The following DUOX2 variants were observed in gnomAD, a reference collection of about 807,000 sequenced individuals.
DUOX2 encodes the protein NADH/NADPH thyroid oxidase p138-tox.
DUOX2 carries 185 observed loss-of-function variants against 183.3 expected under a neutral mutation model. That is an observed-to-expected ratio of 1.01 (90% CI 0.90 to 1.14). The LOEUF (loss-of-function observed/expected upper bound fraction) is 1.14. Ranked by LOEUF, DUOX2 falls within the 50% of genes most tolerant of loss-of-function variation. DUOX2 has a pLI of 0.00. For missense variants in DUOX2, 1,999 were observed against 2,022.9 expected, an observed-to-expected ratio of 0.99 and a Z score of 0.23; for synonymous variants, 788 against 812.4, an observed-to-expected ratio of 0.97 and a Z score of 0.51.
chr15:45,113,264 C>A lies in DUOX2; in HGVS notation c.70+78G>T, dbSNP rs1476819218. 1.9e-5 allele frequency: 28 copies of A among 1,510,966 alleles called. No homozygotes were observed. In the Admixed American group the frequency reaches 5.5e-4, roughly 30 times the overall value. 93.6% of individuals were successfully genotyped at this position (1,510,966 alleles called of 1,614,324 possible). A position where few individuals can be genotyped will look rare whatever the true frequency, so the allele number is the denominator to read the frequency against. ...AAATGACCTTCCAGTCTCAGGGAGC[C>A]GCTTGCCGCACCTCTCCCCGCCCCA... On this transcript the variant is annotated intron_variant, in intron 2 of 33. Coordinates refer to ENST00000389039, the MANE Select transcript of DUOX2 (RefSeq NM_001363711.2).
In DUOX2 at chr15:45,111,503, G is replaced by A. The variant is rs751456977; in HGVS notation, c.596C>T (p.Ser199Leu). The change falls in exon 6 of 34, where the codon TCG becomes TTG. Residue 199 changes from serine to leucine, a missense_variant. By Grantham distance (145) the Ser-to-Leu change is moderately radical (BLOSUM62 -2). Transcript: ENST00000389039. Reference sequence around the variant, plus strand: ...GGGCCCCGACGCCAGCTGTCCCCCCGAGAAGCTCCGCAGCGCGTCGCTCCA... The same window carrying A: ...GGGCCCCGACGCCAGCTGTCCCCCCAAGAAGCTCCGCAGCGCGTCGCTCCA... ...HSWSDALRSF[S>L]GGQLASGPDP... 1.7e-5 allele frequency: 27 copies of A among 1,551,940 alleles called. No homozygotes were observed. The highest frequency in any genetic ancestry group is 1.9e-5 in the Admixed American group (1 of 51,646).
rs73406335 is a variant in DUOX2, at chr15:45,106,033, T to G, written c.2148+92A>C. On this transcript the variant is annotated intron_variant, in intron 17 of 33. Coordinates refer to ENST00000389039, the MANE Select transcript of DUOX2 (RefSeq NM_001363711.2). The stretch of plus-strand genomic sequence containing the variant: ...CTCTCCCCAGCATCAGCTGTCATAG[T>G]TGAGCTCTGTAGCTGAGGATAGGGT... 0.084 allele frequency: 124,730 copies of G among 1,489,982 alleles called. 7,176 individuals are homozygous for G. Among genetic ancestry groups the G allele is most frequent in the African/African-American group, 0.29 (20,757 of 72,180 alleles). The allele number at this position is 1,489,982 out of a possible 1,614,324, so 92.3% of individuals were successfully genotyped here. A position where few individuals can be genotyped will look rare whatever the true frequency, so the allele number is the denominator to read the frequency against.
intron 29 of DUOX2, among the ~76,000 whole-genome samples, chr15:45,096,708 A>G (rs1464812399): frequency 6.6e-6 from 1 of 152,210 alleles, no homozygotes; most frequent in East Asian, 1.9e-4. Flanking sequence ...AGTAATCTCA[A>G]TTGAAATAAC....
In DUOX2 at chr15:45,097,267, C is replaced by A. The variant is rs766298646; in HGVS notation, c.3818G>T (p.Ser1273Ile). The A allele has an allele frequency of 9.3e-6, 15 of 1,614,122 alleles. No homozygotes were observed. Among genetic ancestry groups the A allele is most frequent in the Non-Finnish European group, 1.0e-5 (12 of 1,180,058 alleles). ...GGGCAGCAGCTCCGCCTTCACCACG[C>A]TGATCTCCACCTTCTTCCGGCTCAG... ...VSLSRKKVEI[S>I]VVKAELLPSG... is the part of the protein sequence containing the mutation. The change falls in exon 29 of 34, where the codon AGC (serine) becomes ATC (isoleucine). Residue 1273 changes from serine (S) to isoleucine (I), a missense_variant. Physicochemically the swap from Ser to Ile is moderately radical, Grantham distance 142. Coordinates refer to ENST00000389039, the MANE Select transcript of DUOX2 (RefSeq NM_001363711.2).
chr15:45,111,656 G>A, intron 5 of DUOX2, 71 bp from the exon 6 acceptor site: 3 of 1,447,244 alleles, frequency 2.1e-6, no homozygotes, highest in Non-Finnish European at 2.7e-6. Context: ...GGGCCCGGCG[G>A]GTGTCCGCGG....
intron 31 of DUOX2, 98 bp from the exon 32 acceptor site, chr15:45,095,189 G>A (rs1893869221): frequency 4.0e-6 from 6 of 1,500,974 alleles, no homozygotes; most frequent in South Asian, 2.6e-5. Context: ...CAGACCACCT[G>A]CAGACACCAA....
At position 45,111,286 on chromosome 15, in the gene DUOX2, G is replaced by A. The variant is rs1183298631; in HGVS notation, c.716-9C>T. 2 of 1,370,580 alleles carry A rather than the reference G, an allele frequency of 1.5e-6. No individual in the cohort carries two copies. Among genetic ancestry groups the A allele is most frequent in the Admixed American group, 2.6e-5 (1 of 38,476 alleles). The allele number at this position is 1,370,580 out of a possible 1,614,324, so 84.9% of individuals were successfully genotyped here. A position where few individuals can be genotyped will look rare whatever the true frequency, so the allele number is the denominator to read the frequency against. ...TCTCTCTGCCCCGAAGGCTGCATCC[G>A]ACGTGGGGGCGCAGGGGAGGAGACG... On this transcript the variant is annotated splice_polypyrimidine_tract_variant and intron_variant, in intron 6 of 33. Transcript: ENST00000389039.
intron 2 of DUOX2, 49 bp from the exon 3 acceptor site, chr15:45,113,125 C>G: frequency 1.9e-6 from 3 of 1,584,266 alleles, no homozygotes; most frequent in East Asian, 2.3e-5. Flanking sequence ...CCAGCTACCC[C>G]TCCCGAGCAA....
At position 45,096,079 on chromosome 15, in the gene DUOX2, G is replaced by A; in HGVS notation, c.3848-19C>T. 3 of 1,603,954 alleles carry A rather than the reference G, an allele frequency of 1.9e-6. No individual in the cohort carries two copies. The highest frequency in any genetic ancestry group is 2.2e-5 in the East Asian group (1 of 44,820). On this transcript the variant is annotated intron_variant, in intron 29 of 33. Coordinates refer to ENST00000389039, the MANE Select transcript of DUOX2 (RefSeq NM_001363711.2). Reference sequence around the variant, plus strand: ...GTCACTCCTGGAGGTCATAGACAGGGAAAAGCACAGATGAGAAGGCCTGCT... The same window carrying A: ...GTCACTCCTGGAGGTCATAGACAGGAAAAAGCACAGATGAGAAGGCCTGCT...
intron 20 of DUOX2, among the ~76,000 whole-genome samples, chr15:45,102,892 G>A (rs1358968341): frequency 6.6e-6 from 1 of 152,220 alleles, no homozygotes; most frequent in Admixed American, 6.5e-5. Context: ...TGAGGCAGGA[G>A]AATCACTTGA....
In DUOX2 at chr15:45,107,433, G is replaced by A; in HGVS notation, c.1605C>T (p.Ile535=). 1.9e-6 allele frequency: 3 copies of A among 1,614,198 alleles called. No individual in the cohort carries two copies. The highest frequency in any genetic ancestry group is 2.5e-6 in the Non-Finnish European group (3 of 1,180,042). Residue 535 remains isoleucine, a synonymous_variant, in exon 14 of 34, where the codon ATC becomes ATT. Coordinates refer to ENST00000389039, the MANE Select transcript of DUOX2 (RefSeq NM_001363711.2). ...GCACGTCCCGCAGGGTGGTATTTCGGATGTCTTCAATCTCCTTCTTGGAGA... is the reference window on the plus strand; with the variant it reads ...GCACGTCCCGCAGGGTGGTATTTCGAATGTCTTCAATCTCCTTCTTGGAGA... ...GLFSKKEIED[I]RNTTLRDVLV... is the part of the protein sequence containing the mutation.
In DUOX2 at chr15:45,105,844, G is replaced by T. The variant is rs758603055; in HGVS notation, c.2149-16C>A. The T allele has an allele frequency of 6.2e-7, 1 of 1,613,782 alleles. No individual in the cohort carries two copies. The highest frequency in any genetic ancestry group is 1.1e-5 in the South Asian group (1 of 91,084). ...ACAGCAGCACCTGGGTGGGAGGAAG[G>T]CGGCACTGACGCAGGGAGCTCGCTG... is the stretch of plus-strand genomic sequence containing the variant. On this transcript the variant is annotated splice_polypyrimidine_tract_variant and intron_variant, in intron 17 of 33. Transcript: ENST00000389039.
At chr15:45,107,925 T>C (rs1273649230) in intron 13 of DUOX2, 122 bp downstream of exon 13, 3 of 1,000,422 alleles carry the variant, frequency 3.0e-6, no homozygotes, top group East Asian at 4.9e-5. Flanking sequence ...CCCAGAGGGG[T>C]TGGGAAGGGT....
rs113632824 is a variant in DUOX2 at position 45,099,710 on chromosome 15, C to A, written c.3367G>T (p.Ala1123Ser). 17 of 1,614,028 alleles carry A rather than the reference C, an allele frequency of 1.1e-5. No individual in the cohort carries two copies. Among genetic ancestry groups the A allele is most frequent in the Admixed American group, 1.7e-5 (1 of 59,996 alleles). ...GCGATCCAGCGGTGGAAGTCCACTG[C>A]GGCATCAAAAGGCACATAGCGGTTG... is the stretch of plus-strand genomic sequence containing the variant. ...FLNRYVPFDAAVDFHRWIAMA... is the reference protein window; with the variant it reads ...FLNRYVPFDASVDFHRWIAMA... Residue 1123 changes from alanine to serine, a missense_variant, in exon 25 of 34, where the codon GCA becomes TCA. Physicochemically the swap from Ala to Ser is moderately conservative, Grantham distance 99. Coordinates refer to ENST00000389039, the MANE Select transcript of DUOX2 (RefSeq NM_001363711.2).
chr15:45,106,371 C>G (rs1283827689), intron 16 of DUOX2, 44 bp from the exon 17 acceptor site: 1 of 1,609,884 alleles, frequency 6.2e-7, no homozygotes, highest in Non-Finnish European at 8.5e-7. Context: ...CAGATGTCCC[C>G]AGGTCCCCGC....
At chr15:45,101,041 C>T (rs1213455324) in intron 22 of DUOX2, 164 bp downstream of exon 22, 1 of 733,334 alleles carries the variant, frequency 1.4e-6, no homozygotes, top group Non-Finnish European at 2.4e-6. Flanking sequence ...AGCATCCGAG[C>T]AGCATAGGGT....
chr15:45,111,240 C>A lies in DUOX2; in HGVS notation c.753G>T (p.Leu251=). The change falls in exon 7 of 34, where the codon CTG becomes CTT. Residue 251 remains leucine (L), a synonymous_variant. Coordinates refer to ENST00000389039, the MANE Select transcript of DUOX2 (RefSeq NM_001363711.2). ...GGAACCAGAGCAGGCCCAGCGCCTG[C>A]AGGAAGGGTTCCCGGTTCCCTCTCT... ...GAERGNREPF[L]QALGLLWFRY... 1 of 1,344,358 alleles carries A rather than the reference C, an allele frequency of 7.4e-7. No homozygotes were observed. The allele number at this position is 1,344,358 out of a possible 1,614,324, so 83.3% of individuals were successfully genotyped here.
In DUOX2 at chr15:45,110,742, A is replaced by C. The variant is rs269859; in HGVS notation, c.883-32T>G. 5.0e-6 allele frequency: 8 copies of C among 1,611,352 alleles called. No individual in the cohort carries two copies. In the African/African-American group the frequency reaches 1.1e-4, roughly 22 times the overall value. On this transcript the variant is annotated intron_variant, in intron 7 of 33. Transcript: ENST00000389039. ...GGCAGAGAGGGGCGAGGGGAGGCACAAGTTGGATGGTGTGGGGCCTGGAAG... is the reference window on the plus strand; with the variant it reads ...GGCAGAGAGGGGCGAGGGGAGGCACCAGTTGGATGGTGTGGGGCCTGGAAG...
intron 11 of DUOX2, 96 bp from the exon 12 acceptor site, chr15:45,109,048 C>G: frequency 6.7e-7 from 1 of 1,482,616 alleles, no homozygotes; most frequent in Non-Finnish European, 9.3e-7. Context: ...CGGTTCTTCC[C>G]TCCTGGCTAC....
Sources: gnomAD v4.1 joint callset for allele counts (sites outside exome capture counted in the v4.1 genomes callset) on GRCh38, gnomAD v4.1.1 for gene constraint, MANE v1.5 for transcripts, NCBI Gene and HGNC (gene_info 2026-07-23, HGNC 2026-07-21) for gene names.